Variants in MYO5B observed in about 807,000 individuals in gnomAD.
MYO5B encodes the protein unconventional myosin-Vb.
A neutral mutation model predicts 229.3 loss-of-function variants in MYO5B; 143 were observed. That is an observed-to-expected ratio of 0.62 (90% CI 0.54 to 0.72). The LOEUF is 0.72. MYO5B is among the 30% of genes least tolerant of loss of function. The probability of loss-of-function intolerance (pLI) is 0.00; values close to 1 mark genes in which losing one functional copy is unlikely to be tolerated. For missense variants in MYO5B, 2,321 were observed against 2,331.0 expected (o/e 1.00, Z 0.09); for synonymous variants, 918 against 885.2 (o/e 1.04, Z -0.66).
rs183847953 is a variant in MYO5B at position 49,839,791 on chromosome 18, C to A, written c.4702-497G>T. ...ATGAACTAAAGTGATTTCATAGCTACCGCACTGTGTCCTCTTAGCTTTCTG... is the reference window on the plus strand; with the variant it reads ...ATGAACTAAAGTGATTTCATAGCTAACGCACTGTGTCCTCTTAGCTTTCTG... On this transcript the variant is annotated intron_variant, in intron 35 of 39. Transcript: ENST00000285039. The A allele has an allele frequency of 4.6e-4, 95 of 206,350 alleles. 1 individual carries two copies. The highest frequency in any genetic ancestry group is 2.1e-3 in the African/African-American group (90 of 43,782). 12.8% of individuals were successfully genotyped at this position (206,350 alleles called of 1,614,324 possible). A position where few individuals can be genotyped will look rare whatever the true frequency, so the allele number is the denominator to read the frequency against.
chr18:49,981,773 G>T (rs145493980), intron 8 of MYO5B, among the ~76,000 whole-genome samples: 3 of 152,098 alleles, frequency 2.0e-5, no homozygotes, highest in Non-Finnish European at 2.9e-5. Context: ...ATTTGAATAC[G>T]TGGTATTAGC....
At chr18:49,990,165 A>G (rs73442535) in intron 7 of MYO5B, among the ~76,000 whole-genome samples, 1,993 of 152,336 alleles carry the variant, frequency 0.013, 45 homozygotes, top group African/African-American at 0.045. Flanking sequence ...TTTCAGAATA[A>G]TAAAGCATGA....
intron 26 of MYO5B, among the ~76,000 whole-genome samples, chr18:49,873,588 T>C (rs996116049): frequency 6.6e-6 from 1 of 152,224 alleles, no homozygotes; most frequent in Non-Finnish European, 1.5e-5. Context: ...GGGTCTGCAT[T>C]CAACCTGCTG....
intron 1 of MYO5B, among the ~76,000 whole-genome samples, chr18:50,138,651 GAA>G (rs762274716): frequency 3.7e-5 from 5 of 133,952 alleles, no homozygotes; most frequent in Non-Finnish European, 3.3e-5. Context: ...TCTTGAGTCG[GAA>G]AAAAAAAAAA....
chr18:50,188,785 T>TAAAAAAAAAAAAAAAA (rs4042094), intron 1 of MYO5B, among the ~76,000 whole-genome samples: 1 of 105,100 alleles, frequency 9.5e-6, no homozygotes, highest in African/African-American at 3.8e-5. Context: ...GACTCTGTCA[T>TAAAAAAAAAAAAAAAA]AAAAAAAAAA....
intron 14 of MYO5B, among the ~76,000 whole-genome samples, chr18:49,947,901 G>A (rs1631883): frequency 0.23 from 35,169 of 151,878 alleles, 5,774 homozygotes; most frequent in African/African-American, 0.47. Context: ...AAAAGTCAAC[G>A]TGCAGGTTTG....
At chr18:49,958,646 G>A (rs531724293) in intron 12 of MYO5B, among the ~76,000 whole-genome samples, 9 of 152,254 alleles carry the variant, frequency 5.9e-5, no homozygotes, top group South Asian at 2.1e-4. Context: ...CTCTCGCACC[G>A]CTTCTTTTTC....
chr18:50,108,540 C>G (rs1402233241), intron 1 of MYO5B, among the ~76,000 whole-genome samples: 1 of 152,136 alleles, frequency 6.6e-6, no homozygotes, highest in East Asian at 1.9e-4. Context: ...CTGAAAATAC[C>G]TGGGTACCCA....
At chr18:49,888,476 G>C (rs912620130) in intron 22 of MYO5B, among the ~76,000 whole-genome samples, 2 of 152,154 alleles carry the variant, frequency 1.3e-5, no homozygotes, top group Non-Finnish European at 2.9e-5. Context: ...GGCCATTCTA[G>C]GTGGGAAGAA....
chr18:50,147,789 T>C (rs1343726564), intron 1 of MYO5B, among the ~76,000 whole-genome samples: 1 of 152,008 alleles, frequency 6.6e-6, no homozygotes, highest in Non-Finnish European at 1.5e-5. Context: ...CCCTAAACAC[T>C]AAATATTAAG....
At chr18:49,872,706 C>T (rs76627498) in intron 26 of MYO5B, among the ~76,000 whole-genome samples, 6 of 152,234 alleles carry the variant, frequency 3.9e-5, no homozygotes, top group East Asian at 3.9e-4. Flanking sequence ...GCTAAAGTCA[C>T]GCAGCTGCCA....
intron 1 of MYO5B, among the ~76,000 whole-genome samples, chr18:50,058,928 C>T (rs1391268943): frequency 2.6e-5 from 4 of 152,200 alleles, no homozygotes; most frequent in African/African-American, 9.7e-5. Flanking sequence ...CTTACTCGTC[C>T]ATGTGGGCAG....
chr18:50,039,694 T>C (rs748238039), intron 3 of MYO5B, among the ~76,000 whole-genome samples: 1 of 152,228 alleles, frequency 6.6e-6, no homozygotes, highest in African/African-American at 2.4e-5. Context: ...TTATGAATTT[T>C]GCTCACTATT....
At chr18:50,096,890 C>G (rs2031562302) in intron 1 of MYO5B, among the ~76,000 whole-genome samples, 1 of 152,190 alleles carries the variant, frequency 6.6e-6, no homozygotes, top group South Asian at 2.1e-4. Context: ...CCCCTACCTT[C>G]AGACAACGTC....
At chr18:50,071,451 C>A (rs759810250) in intron 1 of MYO5B, among the ~76,000 whole-genome samples, 4 of 152,170 alleles carry the variant, frequency 2.6e-5, no homozygotes, top group African/African-American at 9.6e-5. Flanking sequence ...AATGGACGGA[C>A]GCGTGCACAC....
chr18:49,948,424 T>C (rs924920797), intron 14 of MYO5B, among the ~76,000 whole-genome samples: 2 of 152,116 alleles, frequency 1.3e-5, no homozygotes, highest in Non-Finnish European at 2.9e-5. Context: ...GAAGACAACA[T>C]GGACTCTCCT....
At chr18:49,931,831 C>CT (rs1425271029) in intron 16 of MYO5B, among the ~76,000 whole-genome samples, 3 of 152,218 alleles carry the variant, frequency 2.0e-5, no homozygotes, top group African/African-American at 7.2e-5. Flanking sequence ...GCGGACACCC[C>CT]TGTGCTTTGG....
chr18:49,882,211 C>A (rs905673106), intron 22 of MYO5B, among the ~76,000 whole-genome samples: 2 of 152,154 alleles, frequency 1.3e-5, no homozygotes, highest in Non-Finnish European at 2.9e-5. Flanking sequence ...CTGGCTGATC[C>A]GTCACCATTC....
chr18:50,110,708 T>C (rs1316547829), intron 1 of MYO5B, among the ~76,000 whole-genome samples: 1 of 152,214 alleles, frequency 6.6e-6, no homozygotes, highest in African/African-American at 2.4e-5. Flanking sequence ...CCAAATTTTA[T>C]TCATTAGTAA....
Sources: allele counts gnomAD v4.1 joint callset (sites outside exome capture counted in the v4.1 genomes callset), GRCh38; gene constraint gnomAD v4.1.1; transcripts MANE v1.5; gene names NCBI Gene and HGNC (gene_info 2026-07-23, HGNC 2026-07-21).